The following TNNT1 variants were observed in gnomAD, a reference collection of about 807,000 sequenced individuals.
The protein encoded by TNNT1 is troponin T1, slow skeletal type, also known as troponin T, slow skeletal muscle.
In TNNT1, 53 loss-of-function variants were observed where a neutral mutation model predicts 50.6. The observed-to-expected ratio is 1.05, with a 90% CI of 0.84 to 1.32. The LOEUF is 1.32. Among genes scored for constraint, TNNT1 ranks in the 40% most tolerant of loss-of-function variants. TNNT1 has a pLI of 0.00. For missense variants in TNNT1, 348 were observed against 381.7 expected (o/e 0.91, Z 0.74); for synonymous variants, 142 against 138.0 (o/e 1.03, Z -0.20).
chr19:55,146,531 G>T, intron 4 of TNNT1, 65 bp from the exon 5 acceptor site: 1 of 1,147,018 alleles, frequency 8.7e-7, no homozygotes, highest in South Asian at 2.0e-5. Context: ...ACGCCCGGGC[G>T]CGGGAGGGGA....
chr19:55,138,263 C>T (rs897434778), intron 9 of TNNT1, among the ~76,000 whole-genome samples, 189 bp from the exon 10 acceptor site: 1 of 151,318 alleles, frequency 6.6e-6, no homozygotes, highest in Non-Finnish European at 1.5e-5. Flanking sequence ...TGACCACCTA[C>T]AAGTCCCTTC....
intron 7 of TNNT1, 95 bp from the exon 8 acceptor site, chr19:55,141,397 TC>T: frequency 1.1e-6 from 1 of 903,624 alleles, no homozygotes; most frequent in Non-Finnish European, 1.9e-6. Flanking sequence ...CTGAACCGTT[TC>T]CCAGGACGGT....
At chr19:55,143,769 T>G (rs62126317) in intron 6 of TNNT1, among the ~76,000 whole-genome samples, 1 of 151,956 alleles carries the variant, frequency 6.6e-6, no homozygotes, top group Non-Finnish European at 1.5e-5. Context: ...CTCCAATGAC[T>G]TCAGGTATCA....
intron 6 of TNNT1, among the ~76,000 whole-genome samples, chr19:55,142,938 C>T (rs553993517): frequency 6.6e-5 from 10 of 150,922 alleles, no homozygotes; most frequent in African/African-American, 1.5e-4. Flanking sequence ...CCAAGGTGGG[C>T]GAATCACTTG....
At chr19:55,143,106 T>C (rs1267858638) in intron 6 of TNNT1, among the ~76,000 whole-genome samples, 4 of 151,562 alleles carry the variant, frequency 2.6e-5, no homozygotes, top group East Asian at 2.0e-4. Flanking sequence ...GAGGCAGAGA[T>C]TGCAGTGAGC....
chr19:55,145,329 G>A, intron 6 of TNNT1: 1 of 620,496 alleles, frequency 1.6e-6, no homozygotes. Context: ...GAAGGAGAAG[G>A]GGAAGGGGAA....
At chr19:55,146,052 C>A (rs2147266203) in intron 5 of TNNT1, among the ~76,000 whole-genome samples, 1 of 150,156 alleles carries the variant, frequency 6.7e-6, no homozygotes, top group Non-Finnish European at 1.5e-5. Context: ...CCTCTGCAAT[C>A]CTAAATTCCA....
At chr19:55,137,299 G>T in intron 10 of TNNT1, 87 bp from the exon 11 acceptor site, 1 of 933,398 alleles carries the variant, frequency 1.1e-6, no homozygotes, top group South Asian at 1.4e-5. Context: ...GGATCCCACA[G>T]ACCATTTCCA....
At chr19:55,145,470 C>T in intron 6 of TNNT1, 74 bp downstream of exon 6, 1 of 1,485,848 alleles carries the variant, frequency 6.7e-7, no homozygotes, top group East Asian at 2.3e-5. Flanking sequence ...GCCTTTCTCA[C>T]ACCTTGTCTC....
intron 10 of TNNT1, 50 bp from the exon 11 acceptor site, chr19:55,137,262 G>C (rs955765674): frequency 7.4e-7 from 1 of 1,351,904 alleles, no homozygotes; most frequent in Non-Finnish European, 1.1e-6. Context: ...ATCCCACAGA[G>C]CACTGCCGTG....
chr19:55,133,700 GAA>G, intron 13 of TNNT1, 185 bp downstream of exon 13: 1 of 650,794 alleles, frequency 1.5e-6, no homozygotes. Context: ...AAAAAAGAAA[GAA>G]AAAGAAAAAG....
intron 6 of TNNT1, among the ~76,000 whole-genome samples, chr19:55,143,293 C>T (rs1038456681): frequency 6.6e-6 from 1 of 152,162 alleles, no homozygotes; most frequent in Non-Finnish European, 1.5e-5. Flanking sequence ...AGCCACTGCG[C>T]CCAGCCTTTA....
intron 10 of TNNT1, 94 bp from the exon 11 acceptor site, chr19:55,137,306 T>A: frequency 1.1e-6 from 1 of 873,648 alleles, no homozygotes; most frequent in Non-Finnish European, 1.9e-6. Flanking sequence ...ACAGACCATT[T>A]CCATGTTGGG....
chr19:55,144,793 G>A (rs1366273067), intron 6 of TNNT1, among the ~76,000 whole-genome samples: 4 of 152,238 alleles, frequency 2.6e-5, no homozygotes, highest in Non-Finnish European at 2.9e-5. Flanking sequence ...TTTGAATGCA[G>A]GCTAGTTGCT....
chr19:55,146,767 GC>G, intron 3 of TNNT1, 60 bp from the exon 4 acceptor site: 1 of 1,364,050 alleles, frequency 7.3e-7, no homozygotes, highest in Non-Finnish European at 9.8e-7. Context: ...GGGGGCGGTG[GC>G]CAGAGACCAG....
chr19:55,133,801 A>C, intron 13 of TNNT1, 86 bp downstream of exon 13: 1 of 1,486,504 alleles, frequency 6.7e-7, no homozygotes, highest in Non-Finnish European at 9.4e-7. Flanking sequence ...GCAGTGGGGG[A>C]TGGAGCCCAC....
chr19:55,140,800 A>ATAG (rs2064025042), intron 9 of TNNT1, 83 bp downstream of exon 9: 2 of 804,222 alleles, frequency 2.5e-6, no homozygotes, highest in Non-Finnish European at 1.7e-6. Context: ...AATAGTAATA[A>ATAG]TAATAATAAT....
At position 55,136,565 on chromosome 19, in the gene TNNT1, C is replaced by T. The variant is rs73935310; in HGVS notation, c.611+538G>A. Reference sequence around the variant, plus strand: ...CCTGGGCAGGGGCTTTCGGTGCAAGCGGCAAACCCGATCACGGCGCCACTC... The same window carrying T: ...CCTGGGCAGGGGCTTTCGGTGCAAGTGGCAAACCCGATCACGGCGCCACTC... On this transcript the variant is annotated intron_variant, in intron 11 of 13. Coordinates refer to ENST00000588981, the MANE Select transcript of TNNT1 (RefSeq NM_003283.6). Among the ~76,000 whole-genome samples the T allele has an allele frequency of 4.0e-3, 615 of 152,294 alleles. 10 individuals carry two copies. The highest frequency in any genetic ancestry group is 0.014 in the African/African-American group (569 of 41,566).
intron 8 of TNNT1, 76 bp downstream of exon 8, chr19:55,141,110 T>G: frequency 1.3e-6 from 2 of 1,493,930 alleles, no homozygotes; most frequent in South Asian, 2.3e-5. Flanking sequence ...AGGAAAACTA[T>G]TATCTGCATC....
Sources: gnomAD v4.1 joint callset for allele counts (sites outside exome capture counted in the v4.1 genomes callset) on GRCh38, gnomAD v4.1.1 for gene constraint, MANE v1.5 for transcripts, NCBI Gene and HGNC (gene_info 2026-07-23, HGNC 2026-07-21) for gene names.